Variants in NAALADL2 observed in about 807,000 individuals in gnomAD.
NAALADL2 encodes the protein N-acetylated alpha-linked acidic dipeptidase like 2, also known as inactive N-acetylated-alpha-linked acidic dipeptidase-like protein 2.
In NAALADL2, 76 loss-of-function variants were observed where a neutral mutation model predicts 87.2. The ratio of observed to expected loss-of-function variants is 0.87; its 90% CI spans 0.72 to 1.05. The LOEUF is 1.05. Ranked by LOEUF, NAALADL2 falls within the 50% of genes least tolerant of loss-of-function variation. NAALADL2 has a pLI of 0.00. For missense variants in NAALADL2, 1,089 were observed against 945.8 expected, an observed-to-expected ratio of 1.15 and a Z score of -1.99; for synonymous variants, 354 against 331.0, an observed-to-expected ratio of 1.07 and a Z score of -0.75.
chr3:175,268,087 A>C (rs1012476715), intron 4 of NAALADL2, among the ~76,000 whole-genome samples: 1 of 152,204 alleles, frequency 6.6e-6, no homozygotes, highest in African/African-American at 2.4e-5. Flanking sequence ...AAGGGGATAC[A>C]TTCTCAGAAA....
rs1399102436 is a variant in NAALADL2, at chr3:175,421,060, A to G, written c.1091-26169A>G. 4.6e-5 allele frequency among the ~76,000 whole-genome samples: 7 copies of G among 152,106 alleles called. 1 individual carries two copies. The South Asian group carries it at 6.2e-4, about 13-fold the overall frequency. Reference sequence around the variant, plus strand: ...TCGTGCTTTTTTTCTTGATTGTTGCATTTAGTTATTCTCTAAGTTTTCTTT... The same window carrying G: ...TCGTGCTTTTTTTCTTGATTGTTGCGTTTAGTTATTCTCTAAGTTTTCTTT... On this transcript the variant is annotated intron_variant, in intron 5 of 13. Transcript: ENST00000454872.
intron 3 of NAALADL2, among the ~76,000 whole-genome samples, chr3:174,765,141 CACGAGA>C (rs1332605258): frequency 2.7e-5 from 3 of 111,586 alleles, no homozygotes; most frequent in African/African-American, 8.8e-5. Context: ...CACACACACA[CACGAGA>C]GAGAGAGAGA....
At chr3:175,008,197 G>C (rs1402775044) in intron 1 of NAALADL2, among the ~76,000 whole-genome samples, 1 of 152,038 alleles carries the variant, frequency 6.6e-6, no homozygotes, top group Non-Finnish European at 1.5e-5. Flanking sequence ...AGCCAACATA[G>C]TGAGAACACT....
intron 2 of NAALADL2, among the ~76,000 whole-genome samples, chr3:174,638,608 A>C (rs910807136): frequency 6.6e-6 from 1 of 152,132 alleles, no homozygotes; most frequent in Non-Finnish European, 1.5e-5. Context: ...AAAAAACTTG[A>C]TAATATTATG....
At chr3:175,007,651 G>A (rs943285859) in intron 1 of NAALADL2, among the ~76,000 whole-genome samples, 1 of 151,988 alleles carries the variant, frequency 6.6e-6, no homozygotes, top group Non-Finnish European at 1.5e-5. Flanking sequence ...TATCCTTGGG[G>A]GATACATTCC....
At chr3:174,938,929 T>C (rs1560389151) in intron 1 of NAALADL2, among the ~76,000 whole-genome samples, 1 of 152,162 alleles carries the variant, frequency 6.6e-6, no homozygotes, top group Non-Finnish European at 1.5e-5. Flanking sequence ...TAGACCTTTG[T>C]CAGGTGCAGA....
intron 6 of NAALADL2, among the ~76,000 whole-genome samples, chr3:175,453,922 C>G (rs1491003779): frequency 6.6e-6 from 1 of 152,050 alleles, no homozygotes; most frequent in Non-Finnish European, 1.5e-5. Flanking sequence ...TTTATACATT[C>G]AAATATATCA....
intron 1 of NAALADL2, among the ~76,000 whole-genome samples, chr3:174,540,562 A>G (rs1456414238): frequency 1.3e-5 from 2 of 152,214 alleles, no homozygotes; most frequent in Non-Finnish European, 2.9e-5. Flanking sequence ...ACAGTCAACT[A>G]TACTACTAGC....
chr3:175,259,719 A>C (rs1363127274), intron 4 of NAALADL2, among the ~76,000 whole-genome samples: 1 of 152,220 alleles, frequency 6.6e-6, no homozygotes, highest in Non-Finnish European at 1.5e-5. Flanking sequence ...CAAGCTTTTG[A>C]AAATTCAGGT....
At chr3:174,995,671 A>T (rs1219530022) in intron 1 of NAALADL2, among the ~76,000 whole-genome samples, 1 of 152,104 alleles carries the variant, frequency 6.6e-6, no homozygotes, top group African/African-American at 2.4e-5. Flanking sequence ...AGATAAAAAT[A>T]TATTATAGAA....
At chr3:175,563,488 A>AT (rs1716614267) in intron 9 of NAALADL2, among the ~76,000 whole-genome samples, 1 of 152,138 alleles carries the variant, frequency 6.6e-6, no homozygotes, top group Non-Finnish European at 1.5e-5. Context: ...GAGTCTAATT[A>AT]TTTTCAGGTC....
At chr3:175,699,504 C>T (rs1447085001) in intron 11 of NAALADL2, among the ~76,000 whole-genome samples, 4 of 151,988 alleles carry the variant, frequency 2.6e-5, no homozygotes, top group African/African-American at 9.7e-5. Flanking sequence ...TCTGGAGCCT[C>T]CCATTGATAT....
intron 2 of NAALADL2, among the ~76,000 whole-genome samples, chr3:174,575,691 T>C (rs1311410471): frequency 6.6e-6 from 1 of 152,134 alleles, no homozygotes; most frequent in Non-Finnish European, 1.5e-5. Context: ...CTTTGTATGA[T>C]CAAAATTCTA....
chr3:174,687,032 T>G (rs1478282395), intron 2 of NAALADL2, among the ~76,000 whole-genome samples: 2 of 152,046 alleles, frequency 1.3e-5, no homozygotes, highest in African/African-American at 4.8e-5. Flanking sequence ...GTCTTATGGC[T>G]TCCAATCCCA....
intron 2 of NAALADL2, among the ~76,000 whole-genome samples, chr3:175,198,979 G>C (rs765994099): frequency 3.3e-5 from 5 of 152,062 alleles, no homozygotes; most frequent in Non-Finnish European, 5.9e-5. Flanking sequence ...TAGTTATTCA[G>C]TGCATGTTTG....
At chr3:174,589,971 A>G (rs1393373214) in intron 2 of NAALADL2, among the ~76,000 whole-genome samples, 1 of 152,052 alleles carries the variant, frequency 6.6e-6, no homozygotes, top group Non-Finnish European at 1.5e-5. Flanking sequence ...TTAATTATCA[A>G]GGGCCAAAAC....
chr3:174,788,505 C>G (rs1050292332), intron 3 of NAALADL2, among the ~76,000 whole-genome samples: 8 of 152,120 alleles, frequency 5.3e-5, no homozygotes, highest in Non-Finnish European at 1.5e-5. Context: ...CAGATGGCTG[C>G]CTTCTTGCTG....
At chr3:174,903,755 G>A (rs769688667) in intron 1 of NAALADL2, among the ~76,000 whole-genome samples, 7 of 151,834 alleles carry the variant, frequency 4.6e-5, no homozygotes, top group Non-Finnish European at 1.0e-4. Flanking sequence ...CCTGGATATT[G>A]TTGAATATAT....
In NAALADL2 at chr3:175,452,762, G is replaced by T. The variant is rs539688808; in HGVS notation, c.1234+5390G>T. ...GATCAACATTCATGAGCTGCCAGTC[G>T]GAAGTCCTTGGACAAAAGGAAAAAG... On this transcript the variant is annotated intron_variant, in intron 6 of 13. Transcript: ENST00000454872. Among the ~76,000 whole-genome samples, 112 of 152,224 alleles carry T rather than the reference G, an allele frequency of 7.4e-4. 1 individual carries two copies. Among genetic ancestry groups the T allele is most frequent in the Non-Finnish European group, 1.4e-3 (96 of 67,980 alleles).
Sources: gnomAD v4.1 joint callset for allele counts (sites outside exome capture counted in the v4.1 genomes callset) on GRCh38, gnomAD v4.1.1 for gene constraint, MANE v1.5 for transcripts, NCBI Gene and HGNC (gene_info 2026-07-23, HGNC 2026-07-21) for gene names.